TTC6: variants seen among roughly 807,000 people sequenced by gnomAD.
TTC6 encodes the protein tetratricopeptide repeat protein 6.
A neutral mutation model predicts 210.4 loss-of-function variants in TTC6; 172 were observed. That is an observed-to-expected ratio of 0.82 (90% confidence interval 0.72 to 0.93). The LOEUF is 0.93. Ranked by LOEUF, TTC6 falls within the 40% of genes least tolerant of loss-of-function variation. The probability of loss-of-function intolerance (pLI) is 0.00; values close to 1 mark genes in which losing one functional copy is unlikely to be tolerated. For synonymous variants in TTC6, 804 were observed against 819.6 expected, an observed-to-expected ratio of 0.98 and a Z score of 0.32; for missense variants, 2,414 against 2,318.1, an observed-to-expected ratio of 1.04 and a Z score of -0.85.
chr14:37,642,975 C>T (rs2095694901), intron 1 of TTC6, among the ~76,000 whole-genome samples: 2 of 152,170 alleles, frequency 1.3e-5, no homozygotes, highest in Admixed American at 1.3e-4. Flanking sequence ...CTGTCATTGA[C>T]TGAAATGTCA....
chr14:37,742,286 T>C (rs2095922504), intron 10 of TTC6, among the ~76,000 whole-genome samples: 1 of 152,234 alleles, frequency 6.6e-6, no homozygotes, highest in African/African-American at 2.4e-5. Flanking sequence ...CTGTTTTTCT[T>C]GGCTCATCTT....
intron 6 of TTC6, among the ~76,000 whole-genome samples, chr14:37,716,091 G>T (rs527399375): frequency 1.3e-5 from 2 of 152,016 alleles, no homozygotes; most frequent in Admixed American, 6.6e-5. Flanking sequence ...AGGGAGGTGA[G>T]ATTTCTACGT....
At chr14:37,678,386 T>C (rs2095775020) in intron 1 of TTC6, among the ~76,000 whole-genome samples, 1 of 152,126 alleles carries the variant, frequency 6.6e-6, no homozygotes, top group African/African-American at 2.4e-5. Flanking sequence ...TTAGTAATTG[T>C]TTTCTTCCCT....
At chr14:37,766,717 G>A (rs773500972) in intron 14 of TTC6, among the ~76,000 whole-genome samples, 2 of 152,070 alleles carry the variant, frequency 1.3e-5, no homozygotes, top group African/African-American at 2.4e-5. Context: ...ATTTCTTTGG[G>A]TATATACCCA....
intron 14 of TTC6, among the ~76,000 whole-genome samples, chr14:37,782,805 A>C (rs1247410691): frequency 1.3e-5 from 2 of 152,162 alleles, no homozygotes; most frequent in Non-Finnish European, 1.5e-5. Flanking sequence ...ACGTCCCATC[A>C]ATATCTAATT....
chr14:37,816,774 A>C lies in TTC6; in HGVS notation c.4690-804A>C, dbSNP rs554475069. 5.3e-5 allele frequency among the ~76,000 whole-genome samples: 8 copies of C among 152,216 alleles called. No individual in the cohort carries two copies. The East Asian group carries it at 1.5e-3, about 29-fold the overall frequency. On this transcript the variant is annotated intron_variant, in intron 25 of 30. Coordinates refer to ENST00000553443, the Ensembl canonical transcript of TTC6. The stretch of plus-strand genomic sequence containing the variant: ...CGTTATATATTTAAATATTTTCTTA[A>C]TTTAAATGTAGCGATGTTCTTATTT...
At chr14:37,629,705 C>G (rs1475447267) in intron 1 of TTC6, among the ~76,000 whole-genome samples, 1 of 152,186 alleles carries the variant, frequency 6.6e-6, no homozygotes, top group Admixed American at 6.5e-5. Context: ...GGGAATGCTT[C>G]CAGCTTTTGC....
chr14:37,681,793 T>C (rs892134345), intron 2 of TTC6, among the ~76,000 whole-genome samples: 1 of 152,184 alleles, frequency 6.6e-6, no homozygotes, highest in Non-Finnish European at 1.5e-5. Context: ...CGAGTCACTA[T>C]TGGCTTCTTT....
At chr14:37,767,134 A>AT (rs1202703110) in intron 14 of TTC6, among the ~76,000 whole-genome samples, 1 of 152,116 alleles carries the variant, frequency 6.6e-6, no homozygotes, top group Non-Finnish European at 1.5e-5. Flanking sequence ...AGAACTCATC[A>AT]TTTTTTATGG....
At chr14:37,709,090 C>T (rs866006942) in intron 5 of TTC6, among the ~76,000 whole-genome samples, 20 of 151,908 alleles carry the variant, frequency 1.3e-4, no homozygotes, top group African/African-American at 4.8e-4. Context: ...TGCGACTGAC[C>T]TTCCCCTACC....
intron 1 of TTC6, among the ~76,000 whole-genome samples, chr14:37,603,974 A>G (rs2095620530): frequency 6.6e-6 from 1 of 152,214 alleles, no homozygotes; most frequent in African/African-American, 2.4e-5. Context: ...TAGAATGAGT[A>G]TGCAATAAGT....
chr14:37,621,967 C>G, upstream of TTC6: 3 of 904,612 alleles, frequency 3.3e-6, no homozygotes, highest in Admixed American at 9.4e-5. Context: ...CTTTGCTGAG[C>G]TGAAATTTTA....
At chr14:37,783,405 A>G (rs1285510690) in intron 14 of TTC6, among the ~76,000 whole-genome samples, 1 of 151,990 alleles carries the variant, frequency 6.6e-6, no homozygotes, top group African/African-American at 2.4e-5. Flanking sequence ...TAGATTTTCT[A>G]GTTTATTTGC....
chr14:37,776,927 A>G (rs1019584335), intron 14 of TTC6, among the ~76,000 whole-genome samples: 3 of 152,110 alleles, frequency 2.0e-5, no homozygotes, highest in Admixed American at 6.5e-5. Flanking sequence ...TGGGCCCCCA[A>G]TCTCTTCTGG....
chr14:37,740,300 C>A (rs922250445), intron 10 of TTC6, among the ~76,000 whole-genome samples: 1 of 151,848 alleles, frequency 6.6e-6, no homozygotes, highest in Non-Finnish European at 1.5e-5. Context: ...GAAATAATAA[C>A]CACTGAAATT....
intron 1 of TTC6, among the ~76,000 whole-genome samples, chr14:37,668,531 A>G (rs1335748203): frequency 7.3e-6 from 1 of 136,536 alleles, no homozygotes; most frequent in Non-Finnish European, 1.7e-5. Flanking sequence ...GAAGAAGTTC[A>G]AAAGAGCAAC....
intron 10 of TTC6, among the ~76,000 whole-genome samples, chr14:37,740,943 T>G (rs1189803587): frequency 6.6e-6 from 1 of 152,224 alleles, no homozygotes; most frequent in Non-Finnish European, 1.5e-5. Context: ...ATGCTGCTTC[T>G]GTGGGGTGTG....
exon 1 of TTC6, chr14:37,622,970 C>A (rs756780794): frequency 1.3e-6 from 2 of 1,493,976 alleles, no homozygotes; most frequent in South Asian, 2.5e-5. Flanking sequence ...TCATACGGAG[C>A]GTCCTTGGCC....
intron 1 of TTC6, among the ~76,000 whole-genome samples, chr14:37,633,297 G>A (rs749886901): frequency 1.5e-4 from 23 of 152,200 alleles, no homozygotes; most frequent in South Asian, 2.1e-4. Flanking sequence ...TGCGAAGACC[G>A]TGGGAAAAAC....
Sources: gnomAD v4.1 joint callset for allele counts (sites outside exome capture counted in the v4.1 genomes callset) on GRCh38, gnomAD v4.1.1 for gene constraint, MANE v1.5 for transcripts, NCBI Gene and HGNC (gene_info 2026-07-23, HGNC 2026-07-21) for gene names.